CHEK1: variants seen among roughly 807,000 people sequenced by gnomAD.
CHEK1 encodes the protein checkpoint kinase 1, also known as serine/threonine-protein kinase Chk1.
Under a neutral mutation model 60.2 loss-of-function variants are expected in CHEK1, and 32 were observed. That is an observed-to-expected ratio of 0.53 (90% CI 0.40 to 0.71). The LOEUF (loss-of-function observed/expected upper bound fraction) is 0.71. Among genes scored for constraint, CHEK1 ranks in the 30% least tolerant of loss-of-function variants. CHEK1 has a pLI of 0.00. For synonymous variants in CHEK1, 179 were observed against 187.2 expected, an observed-to-expected ratio of 0.96 and a Z score of 0.36; for missense variants, 399 against 564.6, an observed-to-expected ratio of 0.71 and a Z score of 2.97.
In CHEK1 at chr11:125,653,014, A is replaced by T. The variant is rs1159467883; in HGVS notation, c.1234-732A>T. Among the ~76,000 whole-genome samples, 1 of 151,964 alleles carries T rather than the reference A, an allele frequency of 6.6e-6. No homozygotes were observed. Among genetic ancestry groups the T allele is most frequent in the Non-Finnish European group, 1.5e-5 (1 of 67,986 alleles). ...ATCCTCTGTTCTGCCTTCTACTTCT[A>T]TGAAATTAACAGTTTTTTTGTTTCC... On this transcript the variant is annotated intron_variant, in intron 11 of 12. Transcript: ENST00000438015. This position sits in a 1 kb window ranked among gnomAD's most constrained non-coding sequence, Gnocchi z 4.3.
intron 13 of CHEK1, among the ~76,000 whole-genome samples, chr11:125,675,148 T>C (rs915167938): frequency 1.3e-5 from 2 of 152,202 alleles, no homozygotes; most frequent in African/African-American, 2.4e-5. Flanking sequence ...CATTAGGATT[T>C]TTTAAAGTTG....
At chr11:125,657,934 G>A (rs1941949544), downstream of CHEK1, among the ~76,000 whole-genome samples, 1 of 152,184 alleles carries the variant, frequency 6.6e-6, no homozygotes, top group South Asian at 2.1e-4. Flanking sequence ...GGAGAAAAGT[G>A]TACAGTTACT....
chr11:125,640,048 A>G (rs1311757737), intron 8 of CHEK1, among the ~76,000 whole-genome samples: 3 of 152,142 alleles, frequency 2.0e-5, no homozygotes, highest in South Asian at 2.1e-4. Context: ...CTACCATTCC[A>G]TCTTCTTCAC....
At chr11:125,674,714 T>G (rs961618292) in intron 13 of CHEK1, among the ~76,000 whole-genome samples, 2 of 152,222 alleles carry the variant, frequency 1.3e-5, no homozygotes, top group African/African-American at 4.8e-5. Flanking sequence ...CTTTTCCTAG[T>G]AACAGGTCTT....
rs374250002 is a variant in CHEK1, at chr11:125,672,588, G to C, written c.*28-3340G>C. ...CTGAGTCAAAACAAGCAAGGGCCCA[G>C]GCTTCTAGATCTTATTGCAGAAAGA... On this transcript the variant is annotated intron_variant, in intron 13 of 13. Coordinates refer to the CHEK1 transcript ENST00000428830. The C allele has an allele frequency of 2.5e-6, 4 of 1,613,810 alleles. No homozygotes were observed. The Admixed American group carries it at 6.7e-5, about 27-fold the overall frequency.
At chr11:125,660,577 A>G (rs955804091), downstream of CHEK1, among the ~76,000 whole-genome samples, 2 of 152,036 alleles carry the variant, frequency 1.3e-5, no homozygotes, top group African/African-American at 4.8e-5. Flanking sequence ...CTTAGGTTAT[A>G]TACTGATACA....
intron 11 of CHEK1, among the ~76,000 whole-genome samples, chr11:125,652,685 A>C: frequency 6.6e-6 from 1 of 152,188 alleles, no homozygotes; most frequent in Non-Finnish European, 1.5e-5. Flanking sequence ...GGAGGTAGCC[A>C]GCAAATTTTT....
At position 125,637,132 on chromosome 11, in the gene CHEK1, T is replaced by A. The variant is rs568200800; in HGVS notation, c.719-317T>A. Among the ~76,000 whole-genome samples, 131 of 152,242 alleles carry A rather than the reference T, an allele frequency of 8.6e-4. 1 individual carries two copies. Among genetic ancestry groups the A allele is most frequent in the African/African-American group, 3.1e-3 (127 of 41,544 alleles). On this transcript the variant is annotated intron_variant, in intron 7 of 12. Transcript: ENST00000438015. ...AGAACATGACATTGAAGTAATGAAA[T>A]TCGGTATTGAAAATGGATAAGAGGG...
chr11:125,657,539 C>A (rs1256939447), downstream of CHEK1, among the ~76,000 whole-genome samples: 3 of 152,004 alleles, frequency 2.0e-5, no homozygotes, highest in Non-Finnish European at 4.4e-5. Flanking sequence ...GTGTTCTCAG[C>A]TATTTATGCA....
chr11:125,629,222 T>C lies in CHEK1; in HGVS notation c.290-10T>C. 1 of 1,613,852 alleles carries C rather than the reference T, an allele frequency of 6.2e-7. No individual in the cohort carries two copies. Among genetic ancestry groups the C allele is most frequent in the Non-Finnish European group, 8.5e-7 (1 of 1,179,714 alleles). On this transcript the variant is annotated splice_polypyrimidine_tract_variant and intron_variant, in intron 3 of 12. Transcript: ENST00000438015. ...TTTAGTCAATAAACTTACTTTCATA[T>C]TTGTTTTAGAGCCAGACATAGGCAT...
chr11:125,644,749 C>A, intron 11 of CHEK1, 106 bp downstream of exon 11: 1 of 1,276,948 alleles, frequency 7.8e-7, no homozygotes, highest in Non-Finnish European at 1.1e-6. Context: ...TGGCTCACAC[C>A]TGTAATCCCA....
chr11:125,672,583 G>A (rs751089646), intron 13 of CHEK1: 27 of 1,613,508 alleles, frequency 1.7e-5, no homozygotes, highest in South Asian at 2.2e-5. Flanking sequence ...ACAAGCAAGG[G>A]CCCAGGCTTC....
chr11:125,650,347 A>G (rs942510034), intron 11 of CHEK1, among the ~76,000 whole-genome samples: 1 of 151,814 alleles, frequency 6.6e-6, no homozygotes, highest in Non-Finnish European at 1.5e-5. Flanking sequence ...TTTTTTGTTG[A>G]AAACTGGACA....
At position 125,629,258 on chromosome 11, in the gene CHEK1, G is replaced by C. The variant is rs764300223; in HGVS notation, c.316G>C (p.Asp106His). 1 of 1,614,130 alleles carries C rather than the reference G, an allele frequency of 6.2e-7. No individual in the cohort carries two copies. Among genetic ancestry groups the C allele is most frequent in the African/African-American group, 1.3e-5 (1 of 75,052 alleles). ...GCCAGACATAGGCATGCCTGAACCA[G>C]ATGCTCAGAGATTCTTCCATCAACT... ...IEPDIGMPEPDAQRFFHQLMA... is the reference protein window; with the variant it reads ...IEPDIGMPEPHAQRFFHQLMA... The change falls in exon 4 of 13, where the codon GAT becomes CAT. Residue 106 changes from aspartate to histidine, a missense_variant. Around this residue, in one of 2 missense-constraint regions of CHEK1, gnomAD observed 370 missense variants for 494.8 expected, o/e 0.75. Coordinates refer to ENST00000438015, the MANE Select transcript of CHEK1 (RefSeq NM_001114122.3).
rs531899618 is a variant in CHEK1 at position 125,650,269 on chromosome 11, C to T, written c.1234-3477C>T. On this transcript the variant is annotated intron_variant, in intron 11 of 12. Coordinates refer to ENST00000438015, the MANE Select transcript of CHEK1 (RefSeq NM_001114122.3). ...TTTATTCTTCTTTCTTTATGTTTCT[C>T]AGGGACAGTTTTGGTTGCTGTTTTT... Among the ~76,000 whole-genome samples, 52 of 151,870 alleles carry T rather than the reference C, an allele frequency of 3.4e-4. No individual in the cohort carries two copies. The South Asian group carries it at 0.01, about 30-fold the overall frequency.
intron 13 of CHEK1, among the ~76,000 whole-genome samples, chr11:125,675,427 G>A (rs1942456287): frequency 6.6e-6 from 1 of 152,172 alleles, no homozygotes; most frequent in South Asian, 2.1e-4. Flanking sequence ...CATGGTATGT[G>A]TCATTAATGT....
intron 1 of CHEK1, 85 bp from the exon 2 acceptor site, chr11:125,626,664 G>A: frequency 1.7e-6 from 2 of 1,192,836 alleles, no homozygotes; most frequent in Non-Finnish European, 2.5e-6. Flanking sequence ...TAATTTTCGT[G>A]GGCAATCCTG....
intron 8 of CHEK1, among the ~76,000 whole-genome samples, chr11:125,639,639 TG>T (rs1941208149): frequency 6.6e-6 from 1 of 152,144 alleles, no homozygotes. Flanking sequence ...CCCAAAGTGC[TG>T]GGTTTATAGG....
At chr11:125,627,952 C>A (rs111246837) in intron 3 of CHEK1, 122 bp downstream of exon 3, 9 of 720,408 alleles carry the variant, frequency 1.2e-5, no homozygotes, top group African/African-American at 9.1e-5. Flanking sequence ...AATTGGAATA[C>A]ATTATCTTTA....
Sources: allele counts gnomAD v4.1 joint callset (sites outside exome capture counted in the v4.1 genomes callset), GRCh38; gene constraint gnomAD v4.1.1; regional missense constraint gnomAD v4.1.1; non-coding constraint Gnocchi (gnomAD v3.1); transcripts MANE v1.5; gene names NCBI Gene and HGNC (gene_info 2026-07-23, HGNC 2026-07-21).